FUT8: variants seen among roughly 807,000 people sequenced by gnomAD.
The protein encoded by FUT8 is alpha-(1,6)-fucosyltransferase.
A neutral mutation model predicts 71.3 loss-of-function variants in FUT8; 29 were observed. The ratio of observed to expected loss-of-function variants is 0.41; its 90% CI spans 0.30 to 0.55. FUT8 has a LOEUF of 0.55. Among genes scored for constraint, FUT8 ranks in the 20% least tolerant of loss-of-function variants. FUT8 has a pLI of 0.34. For missense variants in FUT8, 544 were observed against 702.1 expected (o/e 0.77, Z 2.55); for synonymous variants, 254 against 239.3 (o/e 1.06, Z -0.57).
intron 6 of FUT8, among the ~76,000 whole-genome samples, chr14:65,633,217 C>T (rs1309003523): frequency 1.3e-5 from 2 of 152,180 alleles, no homozygotes; most frequent in African/African-American, 2.4e-5. Context: ...GACGGGGTTT[C>T]GCTGTGTTGG....
At chr14:65,370,701 G>A in the FUT8 span, among the ~76,000 whole-genome samples, 5 of 151,472 alleles carry the variant, frequency 3.3e-5, no homozygotes, top group African/African-American at 2.4e-5. Flanking sequence ...AAGAAAAAAC[G>A]TTTTCCTCTA....
chr14:65,418,373 A>G (rs982292450), intron 1 of FUT8, among the ~76,000 whole-genome samples: 1 of 152,218 alleles, frequency 6.6e-6, no homozygotes, highest in Non-Finnish European at 1.5e-5. Context: ...CTTAAATGAG[A>G]TATCAAATTC....
At chr14:65,651,917 A>G (rs1189304496) in intron 6 of FUT8, among the ~76,000 whole-genome samples, 1 of 152,218 alleles carries the variant, frequency 6.6e-6, no homozygotes, top group African/African-American at 2.4e-5. Flanking sequence ...AAACATCTTC[A>G]TATTTGTATC....
At chr14:65,579,092 C>T (rs973783878) in intron 3 of FUT8, among the ~76,000 whole-genome samples, 2 of 152,208 alleles carry the variant, frequency 1.3e-5, no homozygotes, top group East Asian at 3.9e-4. Flanking sequence ...TACTTAATAG[C>T]ACTTCAGAAA....
chr14:65,416,040 T>C (rs2065215012), intron 1 of FUT8, among the ~76,000 whole-genome samples: 1 of 152,248 alleles, frequency 6.6e-6, no homozygotes, highest in African/African-American at 2.4e-5. Flanking sequence ...TAGCTCTTCA[T>C]TATGTAAATA....
At chr14:65,399,034 T>A in the FUT8 span, among the ~76,000 whole-genome samples, 2 of 152,308 alleles carry the variant, frequency 1.3e-5, no homozygotes, top group South Asian at 2.1e-4. Context: ...AAGACATTTT[T>A]TGAGCCGGGA....
chr14:65,448,220 G>A (rs907281338), intron 1 of FUT8, among the ~76,000 whole-genome samples: 1 of 152,146 alleles, frequency 6.6e-6, no homozygotes, highest in Non-Finnish European at 1.5e-5. Flanking sequence ...GCCAGATGAT[G>A]TTTGTGGTAT....
At chr14:65,417,698 A>T (rs1370987402) in intron 1 of FUT8, among the ~76,000 whole-genome samples, 1 of 152,168 alleles carries the variant, frequency 6.6e-6, no homozygotes, top group East Asian at 1.9e-4. Context: ...TTGAATTTAT[A>T]AATCTTCTTT....
chr14:65,733,433 G>T (rs767912842), intron 10 of FUT8, 52 bp downstream of exon 10: 51 of 1,353,954 alleles, frequency 3.8e-5, no homozygotes, highest in Non-Finnish European at 5.0e-5. Context: ...GGTTGTATAG[G>T]AGTCAGAAAA....
At chr14:65,623,909 A>G (rs1889761287) in intron 5 of FUT8, among the ~76,000 whole-genome samples, 1 of 152,134 alleles carries the variant, frequency 6.6e-6, no homozygotes, top group South Asian at 2.1e-4. Context: ...TCGTAGTCAA[A>G]ACCACAACAG....
rs146771204 is a variant in FUT8 at position 65,430,514 on chromosome 14, G to T, written c.-326+17300G>T. 8.9e-4 allele frequency among the ~76,000 whole-genome samples: 135 copies of T among 152,158 alleles called. 2 individuals are homozygous for T. The highest frequency in any genetic ancestry group is 2.3e-3 in the South Asian group (11 of 4,820). On this transcript the variant is annotated intron_variant, in intron 1 of 10. Transcript: ENST00000673929. ...AGATCATCGTTCATATTTTCCTGGG[G>T]AATTTTTATTTTTAGTCATAATAGT... is the stretch of plus-strand genomic sequence containing the variant.
intron 9 of FUT8, among the ~76,000 whole-genome samples, chr14:65,730,637 A>C (rs1594946179): frequency 6.6e-6 from 1 of 151,970 alleles, no homozygotes; most frequent in Non-Finnish European, 1.5e-5. Context: ...GCACCACTGC[A>C]CTCCAGCCTG....
At chr14:65,616,510 GA>G in intron 5 of FUT8, 137 bp downstream of exon 5, 2 of 687,562 alleles carry the variant, frequency 2.9e-6, no homozygotes, top group Non-Finnish European at 4.5e-6. Flanking sequence ...AAGAGTACCT[GA>G]GGTCCCAAAG....
intron 1 of FUT8, among the ~76,000 whole-genome samples, chr14:65,434,986 C>T (rs1438048741): frequency 6.6e-6 from 1 of 152,160 alleles, no homozygotes; most frequent in Non-Finnish European, 1.5e-5. Flanking sequence ...TAACCTCTCC[C>T]CCTAAGTTCA....
intron 3 of FUT8, among the ~76,000 whole-genome samples, chr14:65,565,025 C>A (rs191700040): frequency 6.6e-6 from 1 of 151,884 alleles, no homozygotes; most frequent in Non-Finnish European, 1.5e-5. Flanking sequence ...GCCAGAAAGT[C>A]CAAGATTGAA....
At chr14:65,476,549 A>G (rs1350805559) in intron 2 of FUT8, among the ~76,000 whole-genome samples, 1 of 150,618 alleles carries the variant, frequency 6.6e-6, no homozygotes, top group Non-Finnish European at 1.5e-5. Flanking sequence ...AGAAAGGAGT[A>G]ATGAATTGTG....
At chr14:65,618,047 A>T (rs183056533) in intron 5 of FUT8, among the ~76,000 whole-genome samples, 1 of 110,052 alleles carries the variant, frequency 9.1e-6, no homozygotes. Flanking sequence ...ATATATATAT[A>T]TATATATGTA....
chr14:65,566,700 T>G (rs557950781), intron 3 of FUT8, among the ~76,000 whole-genome samples: 2 of 152,106 alleles, frequency 1.3e-5, no homozygotes, highest in East Asian at 3.9e-4. Context: ...CAGTTGACTT[T>G]GATGCTTAGG....
At chr14:65,606,369 G>A (rs1478214790) in intron 3 of FUT8, among the ~76,000 whole-genome samples, 2 of 151,506 alleles carry the variant, frequency 1.3e-5, no homozygotes, top group Non-Finnish European at 2.9e-5. Flanking sequence ...AAGCCACTGT[G>A]CCCTGCCCAA....
Sources: allele counts gnomAD v4.1 joint callset (sites outside exome capture counted in the v4.1 genomes callset), GRCh38; gene constraint gnomAD v4.1.1; transcripts MANE v1.5; gene names NCBI Gene and HGNC (gene_info 2026-07-23, HGNC 2026-07-21).